Variants in LZTS1 observed in about 807,000 individuals in gnomAD.
LZTS1 encodes leucine zipper putative tumor suppressor 1.
LZTS1 carries 31 observed loss-of-function variants against 45.8 expected under a neutral mutation model. The observed-to-expected ratio is 0.68, with a 90% CI of 0.51 to 0.91. The LOEUF (loss-of-function observed/expected upper bound fraction) is 0.91. Among genes scored for constraint, LZTS1 ranks in the 40% least tolerant of loss-of-function variants. The pLI is 0.00. For missense variants in LZTS1, 821 were observed against 788.9 expected (o/e 1.04, Z -0.49); for synonymous variants, 359 against 357.3 (o/e 1.00, Z -0.05).
chr8:20,274,306 C>A (rs1188772535), intron 1 of LZTS1, among the ~76,000 whole-genome samples: 1 of 152,116 alleles, frequency 6.6e-6, no homozygotes, highest in Non-Finnish European at 1.5e-5. Flanking sequence ...TTTTATGGTG[C>A]CTATGTTCTA....
chr8:20,270,445 A>T (rs553068281), intron 1 of LZTS1, among the ~76,000 whole-genome samples: 1 of 152,358 alleles, frequency 6.6e-6, no homozygotes, highest in South Asian at 2.1e-4. Flanking sequence ...AGCTGAGGGC[A>T]GGTGATAAGT....
At position 20,248,119 on chromosome 8, in the gene LZTS1, G is replaced by C. The variant is rs1443288176; in HGVS notation, c.*1603C>G. 3 of 152,058 alleles carry C rather than the reference G, an allele frequency of 2.0e-5. No individual in the cohort carries two copies. Among genetic ancestry groups the C allele is most frequent in the African/African-American group, 7.3e-5 (3 of 41,378 alleles). The allele number at this position is 152,058 out of a possible 1,614,324, so 9.4% of individuals were successfully genotyped here. ...GGATTGCTTGAGGCCACAAGTTTGA[G>C]ACCAGCTTTGGCAACAAAACGAGAC... On this transcript the variant is annotated 3_prime_UTR_variant, in exon 4 of 4. Transcript: ENST00000381569.
intron 1 of LZTS1, among the ~76,000 whole-genome samples, chr8:20,285,729 C>A (rs1800781926): frequency 6.6e-6 from 1 of 152,184 alleles, no homozygotes; most frequent in Admixed American, 6.5e-5. Flanking sequence ...GCAAGAATAA[C>A]CAAGACCATT....
intron 1 of LZTS1, among the ~76,000 whole-genome samples, chr8:20,300,074 C>T (rs897709878): frequency 2.6e-5 from 4 of 152,054 alleles, no homozygotes; most frequent in Non-Finnish European, 2.9e-5. Context: ...TGGGTGGGGG[C>T]GAGTGTTCCC....
rs1799959977 is a variant in LZTS1 at position 20,252,680 on chromosome 8, CGCGGTCTGTG to C, written c.1149+92_1149+101del. 56 of 1,047,158 alleles carry C rather than the reference CGCGGTCTGTG, an allele frequency of 5.3e-5. 1 individual carries two copies. In the South Asian group the frequency reaches 1.4e-3, roughly 26 times the overall value. The allele number at this position is 1,047,158 out of a possible 1,614,324, so 64.9% of individuals were successfully genotyped here. On this transcript the variant is annotated intron_variant, in intron 3 of 3. Transcript: ENST00000381569. ...CCAGCACATTAGCCCCGCTTGCCTG[CGCGGTCTGTG>C]TTTGCACGCTATTGGCCGGCACCAG...
chr8:20,267,132 A>T (rs1800375728), intron 1 of LZTS1, among the ~76,000 whole-genome samples: 1 of 151,732 alleles, frequency 6.6e-6, no homozygotes, highest in African/African-American at 2.4e-5. Context: ...AGAAAAGAAA[A>T]AAAAAGAAAA....
chr8:20,251,077 G>A (rs1276609261), intron 3 of LZTS1, among the ~76,000 whole-genome samples: 2 of 130,408 alleles, frequency 1.5e-5, no homozygotes, highest in African/African-American at 5.6e-5. Flanking sequence ...AATAGCTGGT[G>A]AAGTGACCAG....
At position 20,248,117 on chromosome 8, in the gene LZTS1, G is replaced by C. The variant is rs1799784255; in HGVS notation, c.*1605C>G. 1 of 152,108 alleles carries C rather than the reference G, an allele frequency of 6.6e-6. No individual in the cohort carries two copies. The allele number at this position is 152,108 out of a possible 1,614,324, so 9.4% of individuals were successfully genotyped here. A position where few individuals can be genotyped will look rare whatever the true frequency, so the allele number is the denominator to read the frequency against. On this transcript the variant is annotated 3_prime_UTR_variant, in exon 4 of 4. Transcript: ENST00000381569. Reference sequence around the variant, plus strand: ...GTGGATTGCTTGAGGCCACAAGTTTGAGACCAGCTTTGGCAACAAAACGAG... The same window carrying C: ...GTGGATTGCTTGAGGCCACAAGTTTCAGACCAGCTTTGGCAACAAAACGAG...
chr8:20,263,678 A>AG (rs1800291871), intron 1 of LZTS1, among the ~76,000 whole-genome samples: 1 of 152,060 alleles, frequency 6.6e-6, no homozygotes, highest in Non-Finnish European at 1.5e-5. Context: ...TCCAGCCTGC[A>AG]GCCGCTCCAA....
chr8:20,260,477 C>T (rs1436776732), intron 1 of LZTS1, among the ~76,000 whole-genome samples: 2 of 152,100 alleles, frequency 1.3e-5, no homozygotes, highest in African/African-American at 4.8e-5. Context: ...GAACCCAGGC[C>T]CAAATGCCAC....
intron 1 of LZTS1, among the ~76,000 whole-genome samples, chr8:20,298,562 G>C (rs1801016407): frequency 6.6e-6 from 1 of 152,150 alleles, no homozygotes; most frequent in Non-Finnish European, 1.5e-5. Flanking sequence ...TCAGTGTCCA[G>C]CAGGAAGCAA....
chr8:20,302,755 C>A lies in LZTS1; in HGVS notation c.-135+985G>T, dbSNP rs140514358. ...GAGGGAATAAGTGAGACAGGAAACA[C>A]TTTAGGAGGCCAGATCCCTAAGCAC... On this transcript the variant is annotated intron_variant, in intron 1 of 3. Coordinates refer to ENST00000381569, the MANE Select transcript of LZTS1 (RefSeq NM_021020.5). 2.4e-3 allele frequency among the ~76,000 whole-genome samples: 359 copies of A among 152,316 alleles called. 1 individual carries two copies. Among genetic ancestry groups the A allele is most frequent in the African/African-American group, 8.2e-3 (340 of 41,560 alleles).
chr8:20,271,903 T>A (rs916575737), intron 1 of LZTS1, among the ~76,000 whole-genome samples: 1 of 152,206 alleles, frequency 6.6e-6, no homozygotes, highest in Non-Finnish European at 1.5e-5. Flanking sequence ...TTGATGTGCC[T>A]GGTGGGGCAG....
intron 3 of LZTS1, 82 bp from the exon 4 acceptor site, chr8:20,250,445 A>C: frequency 2.2e-6 from 3 of 1,390,584 alleles, no homozygotes; most frequent in Admixed American, 2.5e-5. Flanking sequence ...GCCTAAAATA[A>C]CCAAGCCACT....
chr8:20,282,061 A>C (rs1389500108), intron 1 of LZTS1, among the ~76,000 whole-genome samples: 1 of 151,956 alleles, frequency 6.6e-6, no homozygotes, highest in Non-Finnish European at 1.5e-5. Context: ...CTGCAATCCC[A>C]CCACCAAGCC....
At chr8:20,268,879 TC>T (rs1800418446) in intron 1 of LZTS1, among the ~76,000 whole-genome samples, 1 of 151,970 alleles carries the variant, frequency 6.6e-6, no homozygotes, top group African/African-American at 2.4e-5. Context: ...AGTCATTCCA[TC>T]GGGTCGAACA....
intron 1 of LZTS1, among the ~76,000 whole-genome samples, chr8:20,291,096 G>A (rs1161041980): frequency 6.6e-6 from 1 of 152,180 alleles, no homozygotes; most frequent in Non-Finnish European, 1.5e-5. Context: ...ACACTGAATG[G>A]TATCACAGCC....
At chr8:20,260,230 C>G (rs1393222993) in intron 1 of LZTS1, among the ~76,000 whole-genome samples, 2 of 152,082 alleles carry the variant, frequency 1.3e-5, no homozygotes. Flanking sequence ...GATTGATTGA[C>G]TGATTGATTT....
chr8:20,271,656 A>G (rs1159391418), intron 1 of LZTS1, among the ~76,000 whole-genome samples: 14 of 152,212 alleles, frequency 9.2e-5, no homozygotes, highest in Admixed American at 9.2e-4. Context: ...TCCCTCTGCC[A>G]GGAACAACCT....
Sources: allele counts gnomAD v4.1 joint callset (sites outside exome capture counted in the v4.1 genomes callset), GRCh38; gene constraint gnomAD v4.1.1; transcripts MANE v1.5; gene names NCBI Gene and HGNC (gene_info 2026-07-23, HGNC 2026-07-21).